Variants in MBNL1 observed in about 807,000 individuals in gnomAD.
MBNL1 encodes the protein muscleblind-like protein 1.
In MBNL1, 8 loss-of-function variants were observed where a neutral mutation model predicts 42.2. The observed-to-expected ratio is 0.19, with a 90% CI of 0.11 to 0.34. The LOEUF is 0.34. MBNL1 is among the 10% of genes least tolerant of loss of function. The pLI is 1.00. For missense variants in MBNL1, 309 were observed against 495.3 expected, an observed-to-expected ratio of 0.62 and a Z score of 3.57; for synonymous variants, 169 against 173.9, an observed-to-expected ratio of 0.97 and a Z score of 0.22.
intron 3 of MBNL1, among the ~76,000 whole-genome samples, chr3:152,420,837 GT>G (rs1230371890): frequency 6.6e-6 from 1 of 151,614 alleles, no homozygotes; most frequent in Non-Finnish European, 1.5e-5. Flanking sequence ...AAAGGAACAT[GT>G]TTTAACCCAA....
chr3:152,273,104 G>T (rs1223546488), intron 1 of MBNL1, among the ~76,000 whole-genome samples: 1 of 152,090 alleles, frequency 6.6e-6, no homozygotes, highest in Non-Finnish European at 1.5e-5. Flanking sequence ...GTGTCAGTGC[G>T]TGTGTGGAGG....
chr3:152,426,327 A>C (rs1214074754), intron 3 of MBNL1, among the ~76,000 whole-genome samples: 1 of 152,218 alleles, frequency 6.6e-6, no homozygotes, highest in Non-Finnish European at 1.5e-5. Context: ...CGTTCTGCAC[A>C]TGTATCCCAG....
intron 2 of MBNL1, among the ~76,000 whole-genome samples, chr3:152,396,853 A>T (rs1010430706): frequency 1.3e-5 from 2 of 152,218 alleles, no homozygotes; most frequent in East Asian, 3.8e-4. Context: ...AGTATTTAGT[A>T]TAAATGAAGT....
intron 1 of MBNL1, among the ~76,000 whole-genome samples, chr3:152,272,520 A>G (rs1054792621): frequency 3.2e-4 from 48 of 152,072 alleles, no homozygotes; most frequent in Admixed American, 2.6e-3. Flanking sequence ...GTAAATAGCA[A>G]TTATCTTCAA....
At chr3:152,420,665 C>A (rs2098789658) in intron 3 of MBNL1, among the ~76,000 whole-genome samples, 1 of 152,214 alleles carries the variant, frequency 6.6e-6, no homozygotes, top group Non-Finnish European at 1.5e-5. Flanking sequence ...TGAGGAAAAA[C>A]CAGCTCAAAA....
intron 3 of MBNL1, among the ~76,000 whole-genome samples, chr3:152,423,533 A>G (rs1321750540): frequency 6.6e-6 from 1 of 152,224 alleles, no homozygotes; most frequent in Non-Finnish European, 1.5e-5. Context: ...ATTCTTTCTG[A>G]AACTATTCCA....
intron 2 of MBNL1, among the ~76,000 whole-genome samples, chr3:152,335,785 AATT>A (rs1223021733): frequency 6.6e-6 from 1 of 152,176 alleles, no homozygotes; most frequent in African/African-American, 2.4e-5. Flanking sequence ...ATTTTCTTAG[AATT>A]ATTATTCTGT....
intron 2 of MBNL1, among the ~76,000 whole-genome samples, chr3:152,389,931 A>G (rs1483697335): frequency 6.6e-6 from 1 of 152,110 alleles, no homozygotes; most frequent in Non-Finnish European, 1.5e-5. Context: ...GCTGGACTGC[A>G]GTAGCACGAT....
chr3:152,451,975 G>C (rs1560658088), intron 6 of MBNL1, among the ~76,000 whole-genome samples: 1 of 152,178 alleles, frequency 6.6e-6, no homozygotes, highest in Non-Finnish European at 1.5e-5. Flanking sequence ...AGGCTGACTT[G>C]GTTAGTCTCT....
At chr3:152,308,322 T>G (rs1577530429) in intron 2 of MBNL1, among the ~76,000 whole-genome samples, 1 of 152,204 alleles carries the variant, frequency 6.6e-6, no homozygotes, top group East Asian at 1.9e-4. Context: ...CAAAGATGTA[T>G]TTTAAATTTC....
intron 2 of MBNL1, among the ~76,000 whole-genome samples, chr3:152,362,548 C>G (rs531818220): frequency 6.6e-6 from 1 of 152,242 alleles, no homozygotes; most frequent in South Asian, 2.1e-4. Flanking sequence ...TCTAGGGTTT[C>G]TTAGCCTCAG....
chr3:152,299,659 G>T lies in MBNL1; in HGVS notation c.-535G>T. ...AAGATATCTTCTGCCAGGAAATCAA[G>T]GAGGAAAAAAAAAATCATTTTCTCG... On this transcript the variant is annotated 5_prime_UTR_variant, in exon 2 of 10. It adds an upstream start codon to the 5' untranslated region. Transcript: ENST00000324210. 2.5e-6 allele frequency: 1 copy of T among 398,334 alleles called. No individual in the cohort carries two copies. Among genetic ancestry groups the T allele is most frequent in the Non-Finnish European group, 4.4e-6 (1 of 226,024 alleles). The allele number at this position is 398,334 out of a possible 1,614,324, so 24.7% of individuals were successfully genotyped here. A position where few individuals can be genotyped will look rare whatever the true frequency, so the allele number is the denominator to read the frequency against.
At chr3:152,292,662 A>C (rs2056619320) in intron 1 of MBNL1, among the ~76,000 whole-genome samples, 3 of 152,126 alleles carry the variant, frequency 2.0e-5, no homozygotes, top group African/African-American at 2.4e-5. Context: ...GTTAAAACTT[A>C]GTCATTTACA....
intron 1 of MBNL1, among the ~76,000 whole-genome samples, chr3:152,290,027 A>G (rs967852729): frequency 2.0e-5 from 3 of 152,080 alleles, no homozygotes; most frequent in East Asian, 1.9e-4. Flanking sequence ...AGATTTTTCT[A>G]TACTTTTTTT....
chr3:152,442,680 ACT>A (rs921244193), intron 4 of MBNL1, among the ~76,000 whole-genome samples: 1 of 152,194 alleles, frequency 6.6e-6, no homozygotes, highest in African/African-American at 2.4e-5. Context: ...ACCAGATCAA[ACT>A]CATATTGAGC....
At chr3:152,312,140 C>A (rs1446366269) in intron 2 of MBNL1, among the ~76,000 whole-genome samples, 1 of 140,232 alleles carries the variant, frequency 7.1e-6, no homozygotes, top group East Asian at 2.1e-4. Flanking sequence ...TGCAGTGAGC[C>A]GAGATCCCGC....
At chr3:152,429,369 C>T (rs1472518991) in intron 3 of MBNL1, among the ~76,000 whole-genome samples, 1 of 152,158 alleles carries the variant, frequency 6.6e-6, no homozygotes, top group East Asian at 1.9e-4. Flanking sequence ...TAAGTTTGTA[C>T]TTTGTTTTTC....
chr3:152,345,693 A>G (rs2094127250), intron 2 of MBNL1, among the ~76,000 whole-genome samples: 1 of 152,130 alleles, frequency 6.6e-6, no homozygotes, highest in Admixed American at 6.6e-5. Flanking sequence ...ATCATTTCCA[A>G]GTAGAACTGC....
At chr3:152,382,027 G>A (rs2097198019) in intron 2 of MBNL1, among the ~76,000 whole-genome samples, 1 of 152,022 alleles carries the variant, frequency 6.6e-6, no homozygotes, top group African/African-American at 2.4e-5. Flanking sequence ...AACAAACTTA[G>A]TGTAACTAAG....
Sources: gnomAD v4.1 joint callset for allele counts (sites outside exome capture counted in the v4.1 genomes callset) on GRCh38, gnomAD v4.1.1 for gene constraint, MANE v1.5 for transcripts, NCBI Gene and HGNC (gene_info 2026-07-23, HGNC 2026-07-21) for gene names.